The following ZNF385D variants were observed in gnomAD, a reference collection of about 807,000 sequenced individuals.
ZNF385D encodes the protein zinc finger protein 659.
ZNF385D carries 15 observed loss-of-function variants against 35.8 expected under a neutral mutation model. The observed-to-expected ratio is 0.42, with a 90% confidence interval of 0.28 to 0.64. The LOEUF is 0.64. Ranked by LOEUF, ZNF385D falls within the 30% of genes least tolerant of loss-of-function variation. ZNF385D has a pLI of 0.23. For synonymous variants in ZNF385D, 212 were observed against 186.8 expected, an observed-to-expected ratio of 1.13 and a Z score of -1.10; for missense variants, 474 against 494.6, an observed-to-expected ratio of 0.96 and a Z score of 0.39.
chr3:21,729,125 T>G (rs1465824878), intron 1 of ZNF385D, among the ~76,000 whole-genome samples: 1 of 152,190 alleles, frequency 6.6e-6, no homozygotes, highest in Non-Finnish European at 1.5e-5. Context: ...TGAGCCACTC[T>G]CTTTGGCAAA....
intron 3 of ZNF385D, among the ~76,000 whole-genome samples, chr3:22,014,572 T>C (rs1261692866): frequency 6.6e-6 from 1 of 152,064 alleles, no homozygotes; most frequent in African/African-American, 2.4e-5. Flanking sequence ...ACCCCCAAAA[T>C]GCAGACATTT....
At chr3:22,076,768 A>G (rs1379607311) in intron 3 of ZNF385D, among the ~76,000 whole-genome samples, 1 of 151,844 alleles carries the variant, frequency 6.6e-6, no homozygotes, top group East Asian at 1.9e-4. Context: ...TCTAATAACA[A>G]ATTGAAAAAT....
intron 3 of ZNF385D, among the ~76,000 whole-genome samples, chr3:21,919,426 A>G (rs1476702697): frequency 6.6e-6 from 1 of 152,190 alleles, no homozygotes; most frequent in Non-Finnish European, 1.5e-5. Context: ...GTAGGCATTT[A>G]CCAATAGTCA....
intron 3 of ZNF385D, among the ~76,000 whole-genome samples, chr3:22,112,476 A>C (rs1333343423): frequency 6.6e-6 from 1 of 152,112 alleles, no homozygotes; most frequent in African/African-American, 2.4e-5. Context: ...CGTACCAGTA[A>C]TTCTTAATTT....
At chr3:21,529,917 C>A (rs542166204) in intron 3 of ZNF385D, among the ~76,000 whole-genome samples, 6 of 152,252 alleles carry the variant, frequency 3.9e-5, no homozygotes, top group South Asian at 2.1e-4. Context: ...GTGTTCCCAA[C>A]AAATCTCATG....
intron 2 of ZNF385D, among the ~76,000 whole-genome samples, chr3:22,206,192 T>C (rs1242997335): frequency 6.6e-6 from 1 of 152,028 alleles, no homozygotes; most frequent in Non-Finnish European, 1.5e-5. Flanking sequence ...AAGAGGTCAT[T>C]ATACAATGAT....
At chr3:21,841,006 G>A (rs959457736) in intron 3 of ZNF385D, among the ~76,000 whole-genome samples, 1 of 151,966 alleles carries the variant, frequency 6.6e-6, no homozygotes, top group African/African-American at 2.4e-5. Context: ...GACAAACTGA[G>A]GCTCCTGGTG....
At chr3:21,710,119 C>A (rs185038858) in intron 1 of ZNF385D, among the ~76,000 whole-genome samples, 1 of 152,150 alleles carries the variant, frequency 6.6e-6, no homozygotes, top group Admixed American at 6.5e-5. Flanking sequence ...ATCAGACAAG[C>A]GCTTTCAGGA....
chr3:21,529,638 G>A (rs233146), intron 3 of ZNF385D, among the ~76,000 whole-genome samples: 26,363 of 152,020 alleles, frequency 0.17, 2,353 homozygotes, highest in Admixed American at 0.25. Flanking sequence ...CTTGCAGTAG[G>A]TATGTAAAGG....
At chr3:21,693,786 AT>A (rs1452637785) in intron 1 of ZNF385D, among the ~76,000 whole-genome samples, 1 of 152,070 alleles carries the variant, frequency 6.6e-6, no homozygotes, top group Non-Finnish European at 1.5e-5. Context: ...AAAATAAAAA[AT>A]GATGTATCAT....
At chr3:21,799,875 A>G (rs551408278) in intron 3 of ZNF385D, among the ~76,000 whole-genome samples, 1 of 152,274 alleles carries the variant, frequency 6.6e-6, no homozygotes, top group Non-Finnish European at 1.5e-5. Flanking sequence ...TAAGAGTTTT[A>G]TAACTTTAGA....
At chr3:22,211,795 T>A (rs1370559977) in intron 2 of ZNF385D, among the ~76,000 whole-genome samples, 1 of 151,956 alleles carries the variant, frequency 6.6e-6, no homozygotes, top group Non-Finnish European at 1.5e-5. Context: ...GAGACTTTAC[T>A]GAATTTCTTG....
chr3:22,040,127 A>G (rs1019679149), intron 3 of ZNF385D, among the ~76,000 whole-genome samples: 3 of 152,082 alleles, frequency 2.0e-5, no homozygotes, highest in Non-Finnish European at 2.9e-5. Flanking sequence ...CCCTCCTCTC[A>G]TTGTGTAGGT....
intron 2 of ZNF385D, among the ~76,000 whole-genome samples, chr3:22,368,246 A>G (rs1188408611): frequency 6.6e-6 from 1 of 152,292 alleles, no homozygotes; most frequent in South Asian, 2.1e-4. Context: ...AGTATACTCT[A>G]CTGGTTTATC....
At chr3:22,002,120 T>TA (rs35194786) in intron 3 of ZNF385D, among the ~76,000 whole-genome samples, 16 of 150,174 alleles carry the variant, frequency 1.1e-4, no homozygotes, top group East Asian at 2.0e-4. Flanking sequence ...AATAAAGACT[T>TA]AAAAAAAAAC....
intron 2 of ZNF385D, among the ~76,000 whole-genome samples, chr3:22,288,203 AAAAT>A (rs1426942467): frequency 6.6e-6 from 1 of 152,104 alleles, no homozygotes; most frequent in African/African-American, 2.4e-5. Context: ...TTGATAATTT[AAAAT>A]AATGTGCCTC....
intron 1 of ZNF385D, among the ~76,000 whole-genome samples, chr3:21,674,496 A>T (rs1255091969): frequency 6.6e-6 from 1 of 152,116 alleles, no homozygotes; most frequent in African/African-American, 2.4e-5. Context: ...TAGACCCCAA[A>T]ATGTGAATCA....
chr3:21,588,413 AT>A, intron 2 of ZNF385D, among the ~76,000 whole-genome samples: 1 of 145,644 alleles, frequency 6.9e-6, no homozygotes, highest in South Asian at 2.2e-4. Context: ...TTATGATTTA[AT>A]TTTTAGAATG....
intron 2 of ZNF385D, among the ~76,000 whole-genome samples, chr3:22,292,519 T>C (rs1305197363): frequency 6.6e-6 from 1 of 152,110 alleles, no homozygotes; most frequent in Non-Finnish European, 1.5e-5. Context: ...TTTCTAGAAC[T>C]ATGTGAGAGA....
Sources: allele counts gnomAD v4.1 joint callset (sites outside exome capture counted in the v4.1 genomes callset), GRCh38; gene constraint gnomAD v4.1.1; transcripts MANE v1.5; gene names NCBI Gene and HGNC (gene_info 2026-07-23, HGNC 2026-07-21).